Variants in DPPA2 observed in about 807,000 individuals in gnomAD.
DPPA2 encodes developmental pluripotency-associated protein 2.
Under a neutral mutation model 36.2 loss-of-function variants are expected in DPPA2, and 26 were observed. That is an observed-to-expected ratio of 0.72 (90% CI 0.53 to 1.00). The LOEUF is 1.00. Among genes scored for constraint, DPPA2 ranks in the 50% least tolerant of loss-of-function variants. The probability of loss-of-function intolerance (pLI) is 0.00; values close to 1 mark genes in which losing one functional copy is unlikely to be tolerated. For synonymous variants in DPPA2, 113 were observed against 123.2 expected, an observed-to-expected ratio of 0.92 and a Z score of 0.55; for missense variants, 361 against 365.1, an observed-to-expected ratio of 0.99 and a Z score of 0.09.
chr3:109,296,806 A>T (rs1244789608), intron 8 of DPPA2, among the ~76,000 whole-genome samples: 1 of 152,196 alleles, frequency 6.6e-6, no homozygotes, highest in Non-Finnish European at 1.5e-5. Flanking sequence ...CAACCCAATT[A>T]AAAAATGTGC....
At chr3:109,310,089 G>A (rs1021051628) in intron 3 of DPPA2, among the ~76,000 whole-genome samples, 1 of 151,670 alleles carries the variant, frequency 6.6e-6, no homozygotes, top group Non-Finnish European at 1.5e-5. Context: ...TTAGCCAGGT[G>A]TGGTGGCACA....
intron 6 of DPPA2, 99 bp downstream of exon 6, chr3:109,307,929 ATATT>A: frequency 1.4e-6 from 2 of 1,400,562 alleles, no homozygotes; most frequent in Non-Finnish European, 1.9e-6. Context: ...TAATCTTCAG[ATATT>A]TTAGCAAATG....
intron 3 of DPPA2, among the ~76,000 whole-genome samples, chr3:109,311,885 T>G (rs986358453): frequency 2.0e-5 from 3 of 152,240 alleles, no homozygotes; most frequent in African/African-American, 7.2e-5. Flanking sequence ...CCAGATGTTT[T>G]CCAAAATTAT....
At chr3:109,310,180 A>G (rs1707674509) in intron 3 of DPPA2, among the ~76,000 whole-genome samples, 1 of 149,442 alleles carries the variant, frequency 6.7e-6, no homozygotes, top group Non-Finnish European at 1.5e-5. Context: ...GTGAGCCAAG[A>G]TCGCGCCATT....
chr3:109,300,376 A>T lies in DPPA2; in HGVS notation c.*17T>A. 1 of 1,612,236 alleles carries T rather than the reference A, an allele frequency of 6.2e-7. No homozygotes were observed. The highest frequency in any genetic ancestry group is 1.1e-5 in the South Asian group (1 of 91,046). On this transcript the variant is annotated 3_prime_UTR_variant, in exon 8 of 9. Coordinates refer to ENST00000478945, the MANE Select transcript of DPPA2 (RefSeq NM_138815.4). The stretch of plus-strand genomic sequence containing the variant: ...GGCATATTCTCATCTCTTACATTGT[A>T]TTCAAACAGGTTGCTGCTACTTCTC...
chr3:109,302,342 T>C (rs912019698), intron 7 of DPPA2, among the ~76,000 whole-genome samples: 1 of 152,210 alleles, frequency 6.6e-6, no homozygotes, highest in Admixed American at 6.5e-5. Flanking sequence ...CTCCTACATC[T>C]TACATTCGTC....
At chr3:109,306,596 G>T (rs575877592) in intron 6 of DPPA2, among the ~76,000 whole-genome samples, 1 of 152,028 alleles carries the variant, frequency 6.6e-6, no homozygotes, top group African/African-American at 2.4e-5. Flanking sequence ...TGAGATAGCA[G>T]ACCCTGGAAA....
chr3:109,311,654 C>T (rs1032791530), intron 3 of DPPA2, among the ~76,000 whole-genome samples: 1 of 151,740 alleles, frequency 6.6e-6, no homozygotes, highest in Non-Finnish European at 1.5e-5. Context: ...GCAGGAGAAT[C>T]GCTTGAACCC....
Position 109,314,525 on chromosome 3 carries a change from C to T in DPPA2, c.18G>A (p.Leu6=), listed in dbSNP as rs191315064. Residue 6 remains leucine (L), a synonymous_variant, in exon 2 of 9, where the codon TTG becomes TTA. Coordinates refer to ENST00000478945, the MANE Select transcript of DPPA2 (RefSeq NM_138815.4). MSDAN[L]DSSKKNFLEG... is the part of the protein sequence containing the mutation. ...TGAAACTTACCTTCTTGCTGCTATC[C>T]AAATTTGCATCTGACATTTTCAGCA... 12 of 1,610,348 alleles carry T rather than the reference C, an allele frequency of 7.5e-6. No individual in the cohort carries two copies. The highest frequency in any genetic ancestry group is 3.3e-4 in the Middle Eastern group (2 of 6,030).
chr3:109,295,987 A>G (rs942965312), intron 8 of DPPA2, among the ~76,000 whole-genome samples: 2 of 152,172 alleles, frequency 1.3e-5, no homozygotes, highest in Non-Finnish European at 2.9e-5. Flanking sequence ...GTCAATAGAA[A>G]CCTCCAAAAC....
chr3:109,302,773 C>T (rs866876322), intron 7 of DPPA2, among the ~76,000 whole-genome samples: 16 of 143,034 alleles, frequency 1.1e-4, no homozygotes, highest in African/African-American at 3.9e-4. Flanking sequence ...AAAAAAAAAG[C>T]CCTTAATTTA....
chr3:109,298,517 A>T (rs113885444), intron 8 of DPPA2, among the ~76,000 whole-genome samples: 31,290 of 151,202 alleles, frequency 0.21, 3,354 homozygotes, highest in Admixed American at 0.3. Context: ...GCTCAAGACC[A>T]GCCTGGCCAA....
intron 6 of DPPA2, among the ~76,000 whole-genome samples, chr3:109,306,536 G>A (rs1334893201): frequency 6.6e-6 from 1 of 152,068 alleles, no homozygotes; most frequent in Admixed American, 6.6e-5. Flanking sequence ...TTCTGGAAAT[G>A]GGAAAATGGG....
In DPPA2 at chr3:109,298,209, T is replaced by C. The variant is rs185260155; in HGVS notation, c.*22+2162A>G. Among the ~76,000 whole-genome samples the C allele has an allele frequency of 3.0e-4, 45 of 152,312 alleles. No homozygotes were observed. The East Asian group carries it at 8.5e-3, about 29-fold the overall frequency. The stretch of plus-strand genomic sequence containing the variant: ...TCTGTATGACACTATGTTGGATAAA[T>C]GTCATTTTACATTTGTCAAAACCAT... On this transcript the variant is annotated intron_variant, in intron 8 of 8. Transcript: ENST00000478945.
At chr3:109,301,645 C>G (rs1707458797) in intron 7 of DPPA2, among the ~76,000 whole-genome samples, 1 of 147,628 alleles carries the variant, frequency 6.8e-6, no homozygotes. Context: ...GAGCCAGACT[C>G]CATCTCAAAT....
At chr3:109,309,853 G>A (rs993872871) in intron 3 of DPPA2, among the ~76,000 whole-genome samples, 4 of 151,432 alleles carry the variant, frequency 2.6e-5, no homozygotes, top group Non-Finnish European at 4.4e-5. Flanking sequence ...AGGCAAATTC[G>A]CCCAAATTAC....
In DPPA2 at chr3:109,309,194, T is replaced by C; in HGVS notation, c.318A>G (p.Gln106=). 11 of 1,614,068 alleles carry C rather than the reference T, an allele frequency of 6.8e-6. No individual in the cohort carries two copies. Among genetic ancestry groups the C allele is most frequent in the Non-Finnish European group, 9.3e-6 (11 of 1,180,024 alleles). The change falls in exon 4 of 9, where the codon CAA becomes CAG. Residue 106 remains glutamine, a synonymous_variant. Coordinates refer to ENST00000478945, the MANE Select transcript of DPPA2 (RefSeq NM_138815.4). The stretch of plus-strand genomic sequence containing the variant: ...CCTTGCCATTAGTACTCAAACCGAG[T>C]TGTTGACACCAGTCCCGCAAAGTGT... ...CRDTLRDWCQ[Q]LGLSTNGKKI...
intron 7 of DPPA2, among the ~76,000 whole-genome samples, chr3:109,303,596 C>T (rs181258940): frequency 0.012 from 1,845 of 150,618 alleles, 40 homozygotes; most frequent in African/African-American, 0.041. Flanking sequence ...CTCGAACTCC[C>T]GACCTCAGGT....
chr3:109,310,088 T>C (rs1255422316), intron 3 of DPPA2, among the ~76,000 whole-genome samples: 3 of 150,424 alleles, frequency 2.0e-5, no homozygotes, highest in Middle Eastern at 3.5e-3. Context: ...ATTAGCCAGG[T>C]GTGGTGGCAC....
Sources: gnomAD v4.1 joint callset for allele counts (sites outside exome capture counted in the v4.1 genomes callset) on GRCh38, gnomAD v4.1.1 for gene constraint, MANE v1.5 for transcripts, NCBI Gene and HGNC (gene_info 2026-07-23, HGNC 2026-07-21) for gene names.